PTCHD1: variants seen among roughly 807,000 people sequenced by gnomAD.
The protein encoded by PTCHD1 is patched domain-containing protein 1.
PTCHD1 carries 3 observed loss-of-function variants against 34.6 expected under a neutral mutation model. The ratio of observed to expected loss-of-function variants is 0.09; its 90% CI spans 0.04 to 0.22. PTCHD1 has a LOEUF of 0.22. Ranked by LOEUF, PTCHD1 falls within the 10% of genes least tolerant of loss-of-function variation. The probability of loss-of-function intolerance (pLI) is 1.00; values close to 1 mark genes in which losing one functional copy is unlikely to be tolerated. For synonymous variants in PTCHD1, 305 were observed against 283.1 expected, an observed-to-expected ratio of 1.08 and a Z score of -0.77; for missense variants, 504 against 685.5, an observed-to-expected ratio of 0.74 and a Z score of 2.96.
chrX:23,355,269 C>T (rs1921772445), intron 1 of PTCHD1, among the ~76,000 whole-genome samples: 1 of 111,980 alleles, frequency 8.9e-6, no homozygotes, highest in East Asian at 2.8e-4. Flanking sequence ...GGTGATCTGC[C>T]AAAGCCACCA....
At chrX:23,340,251 A>T (rs1186860626) in intron 1 of PTCHD1, among the ~76,000 whole-genome samples, 1 of 112,233 alleles carries the variant, frequency 8.9e-6, no homozygotes, top group Non-Finnish European at 1.9e-5. Flanking sequence ...AACTATTATG[A>T]CCTCTGAGGT....
intron 2 of PTCHD1, among the ~76,000 whole-genome samples, chrX:23,390,394 T>C (rs1430966993): frequency 9.1e-6 from 1 of 110,133 alleles, no homozygotes; most frequent in East Asian, 2.8e-4. Flanking sequence ...AGAAGTATTC[T>C]CTTTTTACCC....
rs773594372 is a variant in PTCHD1, at chrX:23,334,902, C to A, written c.27C>A (p.Gly9=). 1 of 1,198,187 alleles carries A rather than the reference C, an allele frequency of 8.3e-7. No individual in the cohort carries two copies. The highest frequency in any genetic ancestry group is 1.8e-5 in the African/African-American group (1 of 56,698). MLRQVLHR[G]LRTCFSRLGH... is the part of the protein sequence containing the mutation. ...TGCTGCGGCAGGTTCTGCACAGGGGCTTGAGGACGTGTTTCTCCCGGCTCG... is the reference window on the plus strand; with the variant it reads ...TGCTGCGGCAGGTTCTGCACAGGGGATTGAGGACGTGTTTCTCCCGGCTCG... Residue 9 remains glycine, a synonymous_variant, in exon 1 of 3, where the codon GGC becomes GGA. Transcript: ENST00000379361.
intron 1 of PTCHD1, chrX:23,350,980 A>G: frequency 3.9e-6 from 1 of 255,998 alleles, no homozygotes; most frequent in Non-Finnish European, 7.0e-6. Context: ...ATTCCCATGA[A>G]AATGGAATCC....
rs191629095 is a variant in PTCHD1, at chrX:23,392,880, G to T, written c.1362G>T (p.Pro454=). The change falls in exon 3 of 3, where the codon CCG becomes CCT. Residue 454 remains proline (P), a synonymous_variant. Transcript: ENST00000379361. ...VPKPEALQEK[P]AWYRFLLTAR... Reference sequence around the variant, plus strand: ...AGCCTGAGGCATTGCAGGAGAAGCCGGCATGGTACAGGTTTCTCCTGACGG... The same window carrying T: ...AGCCTGAGGCATTGCAGGAGAAGCCTGCATGGTACAGGTTTCTCCTGACGG... 5 of 1,211,463 alleles carry T rather than the reference G, an allele frequency of 4.1e-6. No homozygotes were observed. Among genetic ancestry groups the T allele is most frequent in the Non-Finnish European group, 5.6e-6 (5 of 895,017 alleles).
chrX:23,393,314 A>G lies in PTCHD1; in HGVS notation c.1796A>G (p.Asn599Ser), dbSNP rs746485796. ...ESYLNYLRKLNVSTGLPKKNF... is the reference protein window; with the variant it reads ...ESYLNYLRKLSVSTGLPKKNF... ...TATTTAAATTACCTTCGGAAACTCA[A>G]TGTATCCACTGGCTTGCCTAAGAAA... The change falls in exon 3 of 3, where the codon AAT (asparagine) becomes AGT (serine). Residue 599 changes from asparagine (N) to serine (S), a missense_variant. Physicochemically the swap from Asn to Ser is conservative, Grantham distance 46. Transcript: ENST00000379361. The G allele has an allele frequency of 1.2e-5, 14 of 1,209,436 alleles. No individual in the cohort carries two copies. The highest frequency in any genetic ancestry group is 3.5e-5 in the African/African-American group (2 of 57,273).
intron 1 of PTCHD1, among the ~76,000 whole-genome samples, chrX:23,357,427 C>T (rs1250174085): frequency 1.8e-5 from 2 of 111,446 alleles, no homozygotes; most frequent in Middle Eastern, 4.2e-3. Context: ...AACTCTTATA[C>T]ATTGCTGGTG....
chrX:23,357,644 C>A (rs920472863), intron 1 of PTCHD1, among the ~76,000 whole-genome samples: 4 of 108,927 alleles, frequency 3.7e-5, no homozygotes, highest in Non-Finnish European at 7.5e-5. Context: ...TTTACCAACA[C>A]AAACCACAGC....
At position 23,400,996 on chromosome X, in the gene PTCHD1, C is replaced by A. The variant is rs996023214; in HGVS notation, c.*6811C>A. 2 of 108,671 alleles carry A rather than the reference C, an allele frequency of 1.8e-5. No individual in the cohort carries two copies. The highest frequency in any genetic ancestry group is 3.4e-5 in the African/African-American group (1 of 29,084). The allele number at this position is 108,671 out of a possible 1,213,427, so 9.0% of individuals were successfully genotyped here. ...TCAGCCTCCTGAGTAGCTGGGACTA[C>A]AGGTGCCCGCCACCGCGCCCGGCTA... On this transcript the variant is annotated 3_prime_UTR_variant, in exon 3 of 3. Coordinates refer to ENST00000379361, the MANE Select transcript of PTCHD1 (RefSeq NM_173495.3).
intron 2 of PTCHD1, among the ~76,000 whole-genome samples, chrX:23,390,013 C>T (rs963255637): frequency 1.8e-5 from 2 of 111,789 alleles, no homozygotes; most frequent in Non-Finnish European, 3.8e-5. Flanking sequence ...CAATTAGCTT[C>T]TAAGATTATT....
chrX:23,389,344 G>A (rs775926692), intron 2 of PTCHD1, among the ~76,000 whole-genome samples: 18 of 111,858 alleles, frequency 1.6e-4, no homozygotes, highest in Non-Finnish European at 3.0e-4. Flanking sequence ...CCAGCTATGA[G>A]CCAGGACAGC....
intron 1 of PTCHD1, among the ~76,000 whole-genome samples, chrX:23,369,354 G>A (rs1046335411): frequency 2.7e-5 from 3 of 111,741 alleles, no homozygotes; most frequent in Non-Finnish European, 5.6e-5. Context: ...AGTTGACCAC[G>A]TTTAAGCCTA....
intron 1 of PTCHD1, among the ~76,000 whole-genome samples, chrX:23,371,737 G>C (rs753883344): frequency 2.3e-4 from 26 of 111,176 alleles, no homozygotes; most frequent in Non-Finnish European, 4.5e-4. Context: ...TTGTCAAGTC[G>C]GGAAGGATTA....
rs1375971862 is a variant in PTCHD1, at chrX:23,402,555, A to T, written c.*8370A>T. The stretch of plus-strand genomic sequence containing the variant: ...AATCTATGTTTTTCTGAATAAAGAG[A>T]CCCCATATTCTCTTTTGAATTATTG... On this transcript the variant is annotated 3_prime_UTR_variant, in exon 3 of 3. Coordinates refer to ENST00000379361, the MANE Select transcript of PTCHD1 (RefSeq NM_173495.3). The T allele has an allele frequency of 9.0e-6, 1 of 111,641 alleles. No individual in the cohort carries two copies. The highest frequency in any genetic ancestry group is 3.3e-5 in the African/African-American group (1 of 30,720). 9.2% of individuals were successfully genotyped at this position (111,641 alleles called of 1,213,427 possible). A position where few individuals can be genotyped will look rare whatever the true frequency, so the allele number is the denominator to read the frequency against.
intron 1 of PTCHD1, among the ~76,000 whole-genome samples, chrX:23,360,995 T>TG (rs1163189770): frequency 8.9e-6 from 1 of 112,491 alleles, no homozygotes; most frequent in Non-Finnish European, 1.9e-5. Flanking sequence ...TTAATTTGAT[T>TG]GCACTGTGGT....
At chrX:23,342,858 C>A (rs905662005) in intron 1 of PTCHD1, among the ~76,000 whole-genome samples, 4 of 112,197 alleles carry the variant, frequency 3.6e-5, no homozygotes, top group African/African-American at 1.3e-4. Flanking sequence ...TTCATGGCTT[C>A]TTCTCTCCCT....
At chrX:23,354,478 C>G (rs1470170511) in intron 1 of PTCHD1, among the ~76,000 whole-genome samples, 1 of 91,649 alleles carries the variant, frequency 1.1e-5, no homozygotes, top group African/African-American at 4.5e-5. Context: ...TTGTCAATCC[C>G]AAAATTTGAA....
At chrX:23,342,917 G>T (rs1457279619) in intron 1 of PTCHD1, among the ~76,000 whole-genome samples, 1 of 112,005 alleles carries the variant, frequency 8.9e-6, no homozygotes, top group African/African-American at 3.2e-5. Context: ...ATGCAGAGCT[G>T]TAGACTCTTA....
chrX:23,359,601 C>T (rs1921912566), intron 1 of PTCHD1, among the ~76,000 whole-genome samples: 1 of 111,976 alleles, frequency 8.9e-6, no homozygotes, highest in Non-Finnish European at 1.9e-5. Context: ...CAAGCAGGGA[C>T]AATTTGACTT....
Sources: allele counts gnomAD v4.1 joint callset (sites outside exome capture counted in the v4.1 genomes callset), GRCh38; gene constraint gnomAD v4.1.1; transcripts MANE v1.5; gene names NCBI Gene and HGNC (gene_info 2026-07-23, HGNC 2026-07-21).